PLEKHG1: variants seen among roughly 807,000 people sequenced by gnomAD.
PLEKHG1 encodes the protein pleckstrin homology domain-containing family G member 1.
In PLEKHG1, 44 loss-of-function variants were observed where a neutral mutation model predicts 100.8. The ratio of observed to expected loss-of-function variants is 0.44; its 90% CI spans 0.34 to 0.56. The LOEUF is 0.56. PLEKHG1 is among the 20% of genes least tolerant of loss of function. The pLI is 0.01. For missense variants in PLEKHG1, 1,545 were observed against 1,720.9 expected, an observed-to-expected ratio of 0.90 and a Z score of 1.81; for synonymous variants, 640 against 662.5, an observed-to-expected ratio of 0.97 and a Z score of 0.52.
At chr6:150,827,585 A>G (rs1228535635) in intron 14 of PLEKHG1, 2 of 689,276 alleles carry the variant, frequency 2.9e-6, no homozygotes, top group African/African-American at 1.8e-5. Flanking sequence ...CAAAACTGCT[A>G]TTTTCATTTC....
At chr6:150,603,400 G>C (rs996058959) in intron 1 of PLEKHG1, among the ~76,000 whole-genome samples, 3 of 152,200 alleles carry the variant, frequency 2.0e-5, no homozygotes, top group African/African-American at 7.2e-5. Context: ...GCTTTCAAGT[G>C]ATTAAGAGAT....
At chr6:150,814,684 C>T (rs1340507214) in intron 10 of PLEKHG1, among the ~76,000 whole-genome samples, 3 of 152,176 alleles carry the variant, frequency 2.0e-5, no homozygotes, top group Non-Finnish European at 4.4e-5. Context: ...CCACATTATT[C>T]CCACTGGCAA....
chr6:150,767,383 A>C (rs1318071300), intron 2 of PLEKHG1, among the ~76,000 whole-genome samples: 1 of 152,246 alleles, frequency 6.6e-6, no homozygotes, highest in Non-Finnish European at 1.5e-5. Flanking sequence ...TTAAGAAGAA[A>C]AGTTGTTACC....
exon 16 of PLEKHG1, chr6:150,839,990 T>A (rs1266648098): frequency 6.2e-7 from 1 of 1,614,168 alleles, no homozygotes; most frequent in East Asian, 2.2e-5. Context: ...GAGACTGGCT[T>A]CTGCATTCAA....
At chr6:150,743,531 A>G (rs949129540) in intron 2 of PLEKHG1, among the ~76,000 whole-genome samples, 3 of 152,202 alleles carry the variant, frequency 2.0e-5, no homozygotes, top group African/African-American at 7.2e-5. Context: ...ATCTCAAAAA[A>G]TAAATAAATA....
intron 14 of PLEKHG1, among the ~76,000 whole-genome samples, chr6:150,824,515 C>T (rs796323581): frequency 2.0e-5 from 3 of 151,798 alleles, no homozygotes; most frequent in African/African-American, 7.3e-5. Flanking sequence ...TAAAAATCAA[C>T]GTAGTCTTTT....
At chr6:150,772,225 T>A (rs1784746537) in intron 3 of PLEKHG1, among the ~76,000 whole-genome samples, 1 of 152,224 alleles carries the variant, frequency 6.6e-6, no homozygotes, top group Non-Finnish European at 1.5e-5. Context: ...TAAGAAGAGA[T>A]GTGCAGAATT....
chr6:150,826,816 T>TTTTGTAGAGACAAGGTC (rs1387955473), intron 14 of PLEKHG1, among the ~76,000 whole-genome samples: 1 of 152,094 alleles, frequency 6.6e-6, no homozygotes, highest in Non-Finnish European at 1.5e-5. Context: ...CTAACTCATT[T>TTTTGTAGAGACAAGGTC]TTTGTAGAGA....
intron 2 of PLEKHG1, among the ~76,000 whole-genome samples, chr6:150,762,419 G>A (rs190735152): frequency 1.2e-4 from 18 of 151,416 alleles, no homozygotes; most frequent in Admixed American, 9.9e-4. Flanking sequence ...GGCTGGTTTC[G>A]AGCTGCTGAC....
At chr6:150,723,685 G>A (rs1404640432) in intron 1 of PLEKHG1, among the ~76,000 whole-genome samples, 2 of 152,152 alleles carry the variant, frequency 1.3e-5, no homozygotes, top group African/African-American at 4.8e-5. Context: ...ACATAGAATT[G>A]TAGCAGCTGT....
At chr6:150,609,565 G>T (rs1278072410) in intron 1 of PLEKHG1, among the ~76,000 whole-genome samples, 1 of 152,142 alleles carries the variant, frequency 6.6e-6, no homozygotes, top group Non-Finnish European at 1.5e-5. Context: ...GCATGGCTGG[G>T]TTATGCAGGT....
chr6:150,620,980 T>C (rs1777276135), intron 1 of PLEKHG1, among the ~76,000 whole-genome samples: 1 of 152,232 alleles, frequency 6.6e-6, no homozygotes, highest in South Asian at 2.1e-4. Context: ...ATCCTGCCTC[T>C]GACAACAAGG....
exon 16 of PLEKHG1, chr6:150,840,186 A>C (rs746951468): frequency 6.2e-7 from 1 of 1,614,204 alleles, no homozygotes; most frequent in African/African-American, 1.3e-5. Flanking sequence ...CGTGGTAGTA[A>C]GTCAGCCCAA....
chr6:150,609,407 G>A (rs761099525), intron 1 of PLEKHG1, among the ~76,000 whole-genome samples: 4 of 152,176 alleles, frequency 2.6e-5, no homozygotes, highest in African/African-American at 7.2e-5. Context: ...GAGAAGATCC[G>A]AGGGAATAAT....
At chr6:150,645,284 T>G (rs956960843) in intron 2 of PLEKHG1, among the ~76,000 whole-genome samples, 1 of 152,190 alleles carries the variant, frequency 6.6e-6, no homozygotes, top group Non-Finnish European at 1.5e-5. Flanking sequence ...TGAAAATGCA[T>G]CCTTGCCTCA....
intron 2 of PLEKHG1, among the ~76,000 whole-genome samples, chr6:150,645,450 C>T (rs1358614758): frequency 1.3e-5 from 2 of 152,132 alleles, no homozygotes; most frequent in Non-Finnish European, 1.5e-5. Context: ...ACATATGTAA[C>T]TGCATTATAT....
At chr6:150,775,086 A>T (rs1236849848) in intron 3 of PLEKHG1, among the ~76,000 whole-genome samples, 1 of 152,124 alleles carries the variant, frequency 6.6e-6, no homozygotes, top group African/African-American at 2.4e-5. Context: ...TACAATCCCT[A>T]TGATAACCTA....
intron 3 of PLEKHG1, among the ~76,000 whole-genome samples, chr6:150,690,920 G>A (rs1376041091): frequency 6.6e-6 from 1 of 152,190 alleles, no homozygotes; most frequent in Non-Finnish European, 1.5e-5. Context: ...AATGTGGGCT[G>A]TGTTGCTCTT....
upstream of PLEKHG1, among the ~76,000 whole-genome samples, chr6:150,718,663 T>G (rs1053639266): frequency 9.2e-5 from 14 of 152,178 alleles, no homozygotes; most frequent in Non-Finnish European, 1.3e-4. Context: ...AGAGACGAGG[T>G]TTCATCATGT....
Sources: gnomAD v4.1 joint callset for allele counts (sites outside exome capture counted in the v4.1 genomes callset) on GRCh38, gnomAD v4.1.1 for gene constraint, MANE v1.5 for transcripts, NCBI Gene and HGNC (gene_info 2026-07-23, HGNC 2026-07-21) for gene names.